MASP1: variants seen among roughly 807,000 people sequenced by gnomAD.
MASP1 encodes the protein MBL associated serine protease 1.
Under a neutral mutation model 77.1 loss-of-function variants are expected in MASP1, and 59 were observed. That is an observed-to-expected ratio of 0.77 (90% CI 0.62 to 0.95). MASP1 has a LOEUF of 0.95. Among genes scored for constraint, MASP1 ranks in the 40% least tolerant of loss-of-function variants. The pLI is 0.00. For missense variants in MASP1, 885 were observed against 912.9 expected (o/e 0.97, Z 0.39); for synonymous variants, 362 against 354.5 (o/e 1.02, Z -0.24).
At chr3:187,248,537 C>G (rs933574312) in intron 8 of MASP1, among the ~76,000 whole-genome samples, 10 of 152,102 alleles carry the variant, frequency 6.6e-5, no homozygotes, top group African/African-American at 2.2e-4. Context: ...TCCAGGACAC[C>G]CCATATCCTC....
chr3:187,246,554 C>T, intron 8 of MASP1: 1 of 985,642 alleles, frequency 1.0e-6, no homozygotes. Flanking sequence ...CATGTGTGTC[C>T]AGATGTTCAG....
intron 10 of MASP1, among the ~76,000 whole-genome samples, chr3:187,239,400 T>G (rs575305259): frequency 1.3e-5 from 2 of 152,158 alleles, no homozygotes; most frequent in African/African-American, 4.8e-5. Flanking sequence ...GATGCTTTAC[T>G]TCTGAGGTAT....
At chr3:187,223,321 G>A (rs1223946081) in intron 13 of MASP1, 2 of 811,512 alleles carry the variant, frequency 2.5e-6, no homozygotes, top group African/African-American at 1.7e-5. Context: ...GAGAAAGGTG[G>A]TGTGGTGGGG....
chr3:187,236,967 G>A (rs1713239340), intron 10 of MASP1, among the ~76,000 whole-genome samples: 1 of 152,176 alleles, frequency 6.6e-6, no homozygotes, highest in Admixed American at 6.5e-5. Context: ...CATGCTATGG[G>A]AACCTAGAAT....
At chr3:187,220,773 C>T (rs1313222521) in intron 15 of MASP1, among the ~76,000 whole-genome samples, 2 of 152,226 alleles carry the variant, frequency 1.3e-5, no homozygotes, top group Admixed American at 6.5e-5. Context: ...GCTGGGATTA[C>T]AGGCATGAAC....
At chr3:187,254,112 C>G (rs1402869040) in intron 5 of MASP1, among the ~76,000 whole-genome samples, 1 of 152,156 alleles carries the variant, frequency 6.6e-6, no homozygotes, top group Non-Finnish European at 1.5e-5. Flanking sequence ...AAAGAACCTG[C>G]AGTCTAGTTG....
At chr3:187,274,964 G>T (rs1229182198) in intron 2 of MASP1, among the ~76,000 whole-genome samples, 28 of 151,970 alleles carry the variant, frequency 1.8e-4, no homozygotes, top group African/African-American at 6.3e-4. Context: ...AGCTGGGCTT[G>T]GGGGGTGGGG....
intron 1 of MASP1, among the ~76,000 whole-genome samples, chr3:187,288,799 G>A (rs1011071269): frequency 6.6e-6 from 1 of 152,234 alleles, no homozygotes; most frequent in Non-Finnish European, 1.5e-5. Flanking sequence ...AGGACTGGCA[G>A]CAGACAGCCC....
chr3:187,274,671 C>T (rs1297991018), intron 2 of MASP1, among the ~76,000 whole-genome samples: 2 of 152,106 alleles, frequency 1.3e-5, no homozygotes, highest in Non-Finnish European at 2.9e-5. Context: ...GCTGAGTGAG[C>T]CCCTAAGCAG....
intron 2 of MASP1, among the ~76,000 whole-genome samples, chr3:187,275,870 G>C (rs1215922292): frequency 6.7e-6 from 1 of 149,946 alleles, no homozygotes; most frequent in African/African-American, 2.5e-5. Flanking sequence ...TTAATACTCT[G>C]AGCATCAGGT....
chr3:187,268,360 G>T (rs942524270), intron 2 of MASP1, among the ~76,000 whole-genome samples: 1 of 151,878 alleles, frequency 6.6e-6, no homozygotes, highest in African/African-American at 2.4e-5. Flanking sequence ...TGCGGCATGT[G>T]CCTGTAGTCC....
At chr3:187,247,184 C>T (rs745632636) in intron 8 of MASP1, 1 of 1,537,504 alleles carries the variant, frequency 6.5e-7, no homozygotes, top group Non-Finnish European at 8.8e-7. Flanking sequence ...GCTTCAACTG[C>T]TGAGATCATG....
intron 6 of MASP1, among the ~76,000 whole-genome samples, chr3:187,252,573 A>G (rs1179428526): frequency 2.6e-5 from 4 of 152,152 alleles, no homozygotes; most frequent in African/African-American, 9.7e-5. Flanking sequence ...TAGTTTATGA[A>G]CTAGATTAGT....
chr3:187,268,481 G>A (rs780511809), intron 2 of MASP1, among the ~76,000 whole-genome samples: 14 of 150,488 alleles, frequency 9.3e-5, no homozygotes, highest in Non-Finnish European at 1.5e-4. Context: ...AGGACAGAGC[G>A]AGACTCTGTC....
At chr3:187,224,831 G>T (rs914627160) in intron 13 of MASP1, among the ~76,000 whole-genome samples, 26 of 152,328 alleles carry the variant, frequency 1.7e-4, no homozygotes, top group African/African-American at 5.5e-4. Context: ...CCTGGCAGTG[G>T]TTTTTCACCC....
intron 5 of MASP1, 93 bp downstream of exon 5, chr3:187,256,571 G>T: frequency 1.7e-6 from 2 of 1,175,948 alleles, no homozygotes; most frequent in Non-Finnish European, 2.5e-6. Flanking sequence ...TCTCTATCCT[G>T]GGAGAAGAAG....
At chr3:187,268,041 T>C (rs532299597) in intron 2 of MASP1, among the ~76,000 whole-genome samples, 1 of 152,344 alleles carries the variant, frequency 6.6e-6, no homozygotes, top group South Asian at 2.1e-4. Context: ...AACTAGAATA[T>C]GTGGCTTCAG....
In MASP1 at chr3:187,234,360, G is replaced by A; in HGVS notation, c.*1324C>T. The A allele has an allele frequency of 7.8e-7, 1 of 1,287,252 alleles. No homozygotes were observed. Among genetic ancestry groups the A allele is most frequent in the Non-Finnish European group, 1.0e-6 (1 of 988,704 alleles). 79.7% of individuals were successfully genotyped at this position (1,287,252 alleles called of 1,614,324 possible). A position where few individuals can be genotyped will look rare whatever the true frequency, so the allele number is the denominator to read the frequency against. On this transcript the variant is annotated 3_prime_UTR_variant, in exon 11 of 11. Coordinates refer to ENST00000296280, the MANE Select transcript of MASP1 (RefSeq NM_139125.4). Reference sequence around the variant, plus strand: ...GGAGAAGGAGAACAATCAGCCCTGTGAGGGCCAGAGAGGCTGCTAGCAGTC... The same window carrying A: ...GGAGAAGGAGAACAATCAGCCCTGTAAGGGCCAGAGAGGCTGCTAGCAGTC...
Position 187,243,641 on chromosome 3 carries a change from AC to A in MASP1, c.1091-21del. 6.2e-7 allele frequency: 1 copy of A among 1,613,822 alleles called. No homozygotes were observed. Among genetic ancestry groups the A allele is most frequent in the Non-Finnish European group, 8.5e-7 (1 of 1,179,992 alleles). ...CTACAACTGAGAGAGAAGAAGTGAG[AC>A]CCCTCAACTGCCTTTTGCTCATCCT... On this transcript the variant is annotated intron_variant, in intron 8 of 10. Transcript: ENST00000296280.
Sources: gnomAD v4.1 joint callset for allele counts (sites outside exome capture counted in the v4.1 genomes callset) on GRCh38, gnomAD v4.1.1 for gene constraint, MANE v1.5 for transcripts, NCBI Gene and HGNC (gene_info 2026-07-23, HGNC 2026-07-21) for gene names.